Variants in RANBP2 observed in about 807,000 individuals in gnomAD.
RANBP2 encodes E3 SUMO-protein ligase RanBP2.
RANBP2 carries 57 observed loss-of-function variants against 303.6 expected under a neutral mutation model. That is an observed-to-expected ratio of 0.19 (90% confidence interval 0.15 to 0.23). The LOEUF is 0.23. RANBP2 is among the 10% of genes least tolerant of loss of function. The probability of loss-of-function intolerance (pLI) is 1.00; values close to 1 mark genes in which losing one functional copy is unlikely to be tolerated. For missense variants in RANBP2, 3,138 were observed against 3,780.8 expected (o/e 0.83, Z 4.46); for synonymous variants, 1,167 against 1,301.5 (o/e 0.90, Z 2.23).
At chr2:109,145,468 C>T in the RANBP2 span, among the ~76,000 whole-genome samples, 2 of 152,260 alleles carry the variant, frequency 1.3e-5, no homozygotes, top group East Asian at 1.9e-4. Flanking sequence ...TCTGTCTGTC[C>T]GTGAGGGAAT....
intron 25 of RANBP2, among the ~76,000 whole-genome samples, chr2:108,777,928 C>T (rs1038915450): frequency 6.6e-6 from 1 of 151,782 alleles, no homozygotes; most frequent in South Asian, 2.1e-4. Flanking sequence ...GAATTCTGTT[C>T]TTTCCTCCTC....
chr2:108,859,470 GC>G, the RANBP2 span, among the ~76,000 whole-genome samples: 5 of 152,114 alleles, frequency 3.3e-5, no homozygotes, highest in African/African-American at 9.6e-5. Flanking sequence ...TAAATTTTTT[GC>G]CTAGGCCAAT....
the RANBP2 span, among the ~76,000 whole-genome samples, chr2:109,047,135 T>C: frequency 6.6e-6 from 1 of 150,426 alleles, no homozygotes; most frequent in Non-Finnish European, 1.5e-5. Flanking sequence ...AAATCCTTGC[T>C]TCCTGCCCTA....
chr2:109,614,571 C>G, the RANBP2 span: 8 of 1,375,116 alleles, frequency 5.8e-6, no homozygotes, highest in South Asian at 1.7e-5. Flanking sequence ...GCGCGGGGGC[C>G]GGGCCCTGCA....
chr2:109,562,650 A>C, the RANBP2 span, among the ~76,000 whole-genome samples: 5 of 152,084 alleles, frequency 3.3e-5, no homozygotes, highest in Admixed American at 3.3e-4. Flanking sequence ...CTCCTCAGAG[A>C]GGACTTCAAA....
the RANBP2 span, chr2:109,371,818 G>T: frequency 1.4e-6 from 1 of 739,206 alleles, no homozygotes; most frequent in South Asian, 1.7e-5. Flanking sequence ...CCAGAGAGCT[G>T]CTATGTGTGG....
At chr2:109,494,878 T>C in the RANBP2 span, among the ~76,000 whole-genome samples, 1 of 152,174 alleles carries the variant, frequency 6.6e-6, no homozygotes, top group Admixed American at 6.5e-5. Flanking sequence ...TCCTCTCCAC[T>C]CTCAGAGGAA....
chr2:109,462,902 G>A, the RANBP2 span, among the ~76,000 whole-genome samples: 527 of 152,310 alleles, frequency 3.5e-3, 19 homozygotes, highest in East Asian at 0.061. Flanking sequence ...TCAACTTAGG[G>A]TCAGTTCAGA....
the RANBP2 span, among the ~76,000 whole-genome samples, chr2:109,379,432 G>A: frequency 1.3e-5 from 2 of 151,982 alleles, no homozygotes; most frequent in Admixed American, 6.6e-5. Context: ...CGAGCCCCTC[G>A]CATGTTTGTT....
the RANBP2 span, among the ~76,000 whole-genome samples, chr2:108,826,502 GAA>G: frequency 6.6e-6 from 1 of 152,034 alleles, no homozygotes; most frequent in Non-Finnish European, 1.5e-5. Flanking sequence ...ATCATTAGTT[GAA>G]AAATCTATTC....
At chr2:109,700,190 A>C in the RANBP2 span, among the ~76,000 whole-genome samples, 4 of 152,318 alleles carry the variant, frequency 2.6e-5, no homozygotes, top group South Asian at 8.3e-4. Flanking sequence ...ATGTTTTCAA[A>C]TACATTCAAG....
chr2:109,317,657 T>C, the RANBP2 span, among the ~76,000 whole-genome samples: 1 of 152,200 alleles, frequency 6.6e-6, no homozygotes, highest in African/African-American at 2.4e-5. Flanking sequence ...TGAGTTTAAA[T>C]GACTTCAGGT....
In RANBP2 at chr2:108,782,847, A is replaced by G. The variant is rs201982385; in HGVS notation, c.9354A>G (p.Pro3118=). The G allele has an allele frequency of 1.1e-5, 18 of 1,613,336 alleles. No homozygotes were observed. The Admixed American group carries it at 2.8e-4, about 25-fold the overall frequency. The change falls in exon 28 of 29, where the codon CCA becomes CCG. Residue 3118 remains proline, a synonymous_variant. Coordinates refer to ENST00000283195, the MANE Select transcript of RANBP2 (RefSeq NM_006267.5). ...FKNSIFHRVI[P]DFVCQGGDIT... is the part of the protein sequence containing the mutation. ...ATTCCATTTTTCACAGAGTAATTCC[A>G]GATTTTGTTTGCCAAGTAGGTATTA... is the stretch of plus-strand genomic sequence containing the variant.
the RANBP2 span, among the ~76,000 whole-genome samples, chr2:109,281,981 G>A: frequency 6.6e-6 from 1 of 152,102 alleles, no homozygotes; most frequent in Non-Finnish European, 1.5e-5. Flanking sequence ...CGAGCGCTGG[G>A]CCAGGCTTTC....
chr2:109,434,441 C>A, the RANBP2 span, among the ~76,000 whole-genome samples: 752 of 152,334 alleles, frequency 4.9e-3, 3 homozygotes, highest in Non-Finnish European at 8.4e-3. Context: ...CGGTTGAAAT[C>A]CAGCTTCCTT....
the RANBP2 span, chr2:109,613,780 G>T: frequency 8.2e-7 from 1 of 1,223,226 alleles, no homozygotes; most frequent in South Asian, 4.1e-5. Flanking sequence ...CTGGGGCCCC[G>T]GCGTCGGCGG....
At chr2:108,987,652 A>C in the RANBP2 span, among the ~76,000 whole-genome samples, 1 of 152,224 alleles carries the variant, frequency 6.6e-6, no homozygotes, top group Non-Finnish European at 1.5e-5. Context: ...GTGCTGTCAC[A>C]AATTAATCCT....
the RANBP2 span, among the ~76,000 whole-genome samples, chr2:109,256,714 G>A: frequency 6.6e-6 from 1 of 152,190 alleles, no homozygotes; most frequent in Non-Finnish European, 1.5e-5. Context: ...CTTGTGTGGA[G>A]TTAACTTTTA....
chr2:109,381,504 A>G, the RANBP2 span, among the ~76,000 whole-genome samples: 1 of 152,012 alleles, frequency 6.6e-6, no homozygotes, highest in Non-Finnish European at 1.5e-5. Context: ...ATCCACGTCC[A>G]CCTGCCCTCC....
Sources: gnomAD v4.1 joint callset for allele counts (sites outside exome capture counted in the v4.1 genomes callset) on GRCh38, gnomAD v4.1.1 for gene constraint, MANE v1.5 for transcripts, NCBI Gene and HGNC (gene_info 2026-07-23, HGNC 2026-07-21) for gene names.